The following NTRK2 variants were observed in gnomAD, a reference collection of about 807,000 sequenced individuals.
The protein encoded by NTRK2 is BDNF/NT-3 growth factors receptor.
Under a neutral mutation model 94.5 loss-of-function variants are expected in NTRK2, and 13 were observed. The observed-to-expected ratio is 0.14, with a 90% CI of 0.09 to 0.22. NTRK2 has a LOEUF of 0.22. Ranked by LOEUF, NTRK2 falls within the 10% of genes least tolerant of loss-of-function variation. NTRK2 has a pLI of 1.00. For synonymous variants in NTRK2, 372 were observed against 407.4 expected (o/e 0.91, Z 1.05); for missense variants, 639 against 1,071.2 (o/e 0.60, Z 5.63).
At chr9:84,819,423 C>T (rs1187804271) in intron 12 of NTRK2, among the ~76,000 whole-genome samples, 1 of 152,186 alleles carries the variant, frequency 6.6e-6, no homozygotes, top group Admixed American at 6.5e-5. Flanking sequence ...GACACAGCCT[C>T]TGAGGGTGCT....
chr9:84,832,893 A>G (rs1335057314), intron 12 of NTRK2, among the ~76,000 whole-genome samples: 4 of 152,270 alleles, frequency 2.6e-5, no homozygotes, highest in South Asian at 2.1e-4. Context: ...TATTTGGGCC[A>G]TAGATAATAT....
At chr9:84,854,215 A>G (rs2074944359) in intron 12 of NTRK2, among the ~76,000 whole-genome samples, 1 of 152,074 alleles carries the variant, frequency 6.6e-6, no homozygotes, top group South Asian at 2.1e-4. Flanking sequence ...TTGGGATGGG[A>G]TAACTCTAAG....
At chr9:84,928,439 A>T (rs1355666656) in intron 14 of NTRK2, among the ~76,000 whole-genome samples, 2 of 152,210 alleles carry the variant, frequency 1.3e-5, no homozygotes, top group African/African-American at 4.8e-5. Flanking sequence ...CTCATTTCAG[A>T]TGATAAACAT....
At chr9:84,739,616 G>A (rs2063495788) in intron 9 of NTRK2, among the ~76,000 whole-genome samples, 2 of 152,134 alleles carry the variant, frequency 1.3e-5, no homozygotes, top group Non-Finnish European at 1.5e-5. Flanking sequence ...ACTTTCTTAT[G>A]GAGCTGTAGG....
intron 12 of NTRK2, 85 bp from the exon 13 acceptor site, chr9:84,860,955 C>T: frequency 6.7e-6 from 5 of 746,322 alleles, no homozygotes; most frequent in Admixed American, 2.3e-5. Context: ...GAGTTTGTTG[C>T]ATTATTTGAC....
intron 12 of NTRK2, among the ~76,000 whole-genome samples, chr9:84,847,826 G>T (rs1299205560): frequency 6.6e-6 from 1 of 152,154 alleles, no homozygotes; most frequent in Non-Finnish European, 1.5e-5. Flanking sequence ...AGGAGGAGGA[G>T]GTGGATACTG....
intron 14 of NTRK2, among the ~76,000 whole-genome samples, chr9:84,870,096 A>ACT: frequency 1.7e-5 from 1 of 58,998 alleles, no homozygotes; most frequent in African/African-American, 7.7e-5. Context: ...ATTCCCATTG[A>ACT]CTATATATAT....
At chr9:84,874,359 A>G in intron 14 of NTRK2, 12 of 1,065,230 alleles carry the variant, frequency 1.1e-5, no homozygotes, top group Non-Finnish European at 1.3e-5. Flanking sequence ...ATTATAACAA[A>G]GTGAAGGTTT....
intron 12 of NTRK2, among the ~76,000 whole-genome samples, chr9:84,775,641 T>C (rs2066959053): frequency 6.6e-6 from 1 of 152,228 alleles, no homozygotes; most frequent in South Asian, 2.1e-4. Context: ...ATGCATATAT[T>C]CCTAATCAGA....
intron 17 of NTRK2, among the ~76,000 whole-genome samples, chr9:84,994,640 C>T (rs1451178712): frequency 6.6e-6 from 1 of 152,164 alleles, no homozygotes; most frequent in Non-Finnish European, 1.5e-5. Context: ...TCACCATGAC[C>T]CAGTTTTAGA....
chr9:84,943,783 T>G (rs2078494016), intron 15 of NTRK2, among the ~76,000 whole-genome samples: 1 of 152,114 alleles, frequency 6.6e-6, no homozygotes, highest in Admixed American at 6.5e-5. Context: ...ACAGAGATGA[T>G]TTTTATAAAT....
intron 14 of NTRK2, among the ~76,000 whole-genome samples, chr9:84,878,608 T>C (rs2076157692): frequency 6.8e-6 from 1 of 148,008 alleles, no homozygotes. Context: ...CACTCCAGCC[T>C]GGCGACAGAA....
At chr9:84,847,702 G>A (rs2074539008) in intron 12 of NTRK2, among the ~76,000 whole-genome samples, 2 of 152,168 alleles carry the variant, frequency 1.3e-5, no homozygotes, top group African/African-American at 2.4e-5. Flanking sequence ...TGTGGGCAGG[G>A]ATTGGAATTA....
At chr9:85,003,382 G>T (rs975093819) in intron 17 of NTRK2, among the ~76,000 whole-genome samples, 1 of 152,172 alleles carries the variant, frequency 6.6e-6, no homozygotes, top group Non-Finnish European at 1.5e-5. Flanking sequence ...GACCATGAAA[G>T]CTTGTTCTAG....
rs190421466 is a variant in NTRK2 at position 84,721,261 on chromosome 9, C to T, written c.584-2312C>T. Among the ~76,000 whole-genome samples, 1,061 of 151,938 alleles carry T rather than the reference C, an allele frequency of 7.0e-3. 5 individuals carry two copies. Among genetic ancestry groups the T allele is most frequent in the Non-Finnish European group, 0.01 (694 of 67,944 alleles). Reference sequence around the variant, plus strand: ...CGCGAGCTTGGCTCACTGCAAGCTCCGCCTCCCGGGTTCAAGCAATTCCCC... The same window carrying T: ...CGCGAGCTTGGCTCACTGCAAGCTCTGCCTCCCGGGTTCAAGCAATTCCCC... On this transcript the variant is annotated intron_variant, in intron 6 of 18. Coordinates refer to ENST00000277120, the MANE Select transcript of NTRK2 (RefSeq NM_006180.6).
intron 12 of NTRK2, among the ~76,000 whole-genome samples, chr9:84,848,079 C>CAGAGAGAGAGAGAGAGAGAG (rs3029704): frequency 6.9e-6 from 1 of 144,254 alleles, no homozygotes; most frequent in Admixed American, 6.9e-5. Context: ...TAGAGAGGGG[C>CAGAGAGAGAGAGAGAGAGAG]AGAGAGAGAG....
chr9:84,960,364 T>C (rs551034318), intron 17 of NTRK2, among the ~76,000 whole-genome samples: 6 of 152,338 alleles, frequency 3.9e-5, no homozygotes, highest in South Asian at 2.1e-4. Context: ...CTGGAAAATA[T>C]AGTCCTGAGC....
intron 6 of NTRK2, among the ~76,000 whole-genome samples, chr9:84,718,386 GTGTGTATGAATATTCT>G (rs1291274303): frequency 6.6e-6 from 1 of 152,110 alleles, no homozygotes; most frequent in East Asian, 1.9e-4. Flanking sequence ...CAATAGAGTT[GTGTGTATGAATATTCT>G]TACACACAAC....
At chr9:84,699,988 A>T (rs1490204529) in intron 2 of NTRK2, among the ~76,000 whole-genome samples, 1 of 152,202 alleles carries the variant, frequency 6.6e-6, no homozygotes, top group East Asian at 1.9e-4. Flanking sequence ...GTCCCCATTG[A>T]GTTCCAGGCC....
Sources: allele counts gnomAD v4.1 joint callset (sites outside exome capture counted in the v4.1 genomes callset), GRCh38; gene constraint gnomAD v4.1.1; transcripts MANE v1.5; gene names NCBI Gene and HGNC (gene_info 2026-07-23, HGNC 2026-07-21).